ADGRL3: variants seen among roughly 807,000 people sequenced by gnomAD.
The protein encoded by ADGRL3 is adhesion G protein-coupled receptor L3.
In ADGRL3, 62 loss-of-function variants were observed where a neutral mutation model predicts 153.5. The observed-to-expected ratio is 0.40, with a 90% CI of 0.33 to 0.50. The LOEUF is 0.50. Ranked by LOEUF, ADGRL3 falls within the 20% of genes least tolerant of loss-of-function variation. The pLI, the probability that ADGRL3 is intolerant of heterozygous loss-of-function variation, is 0.47. For synonymous variants in ADGRL3, 710 were observed against 672.5 expected, an observed-to-expected ratio of 1.06 and a Z score of -0.86; for missense variants, 1,641 against 1,859.4, an observed-to-expected ratio of 0.88 and a Z score of 2.16.
In ADGRL3 at chr4:61,915,165, C is replaced by CT. The variant is rs200575935; in HGVS notation, c.2112+2413dup. Among the ~76,000 whole-genome samples, 1,238 of 151,058 alleles carry CT rather than the reference C, an allele frequency of 8.2e-3. 41 individuals are homozygous for CT. The highest frequency in any genetic ancestry group is 0.043 in the East Asian group (224 of 5,158). ...CATTTTATTTTATAAAATAATGAAT[C>CT]TTTTTGTATAAGAAACTGTTCAGGT... On this transcript the variant is annotated intron_variant, in intron 13 of 26. Coordinates refer to ENST00000683033, the MANE Select transcript of ADGRL3 (RefSeq NM_001387552.1).
intron 6 of ADGRL3, among the ~76,000 whole-genome samples, chr4:61,710,921 T>C (rs1487973512): frequency 6.6e-6 from 1 of 152,200 alleles, no homozygotes; most frequent in Admixed American, 6.5e-5. Flanking sequence ...TGCTATGACA[T>C]GACTCTACTA....
intron 1 of ADGRL3, among the ~76,000 whole-genome samples, chr4:61,260,342 CTGTT>C (rs1236573059): frequency 6.6e-6 from 1 of 152,148 alleles, no homozygotes; most frequent in African/African-American, 2.4e-5. Context: ...ACATCTCTGT[CTGTT>C]CTTTTCTCTG....
chr4:61,225,321 C>A (rs1441572189), intron 1 of ADGRL3, among the ~76,000 whole-genome samples: 1 of 152,144 alleles, frequency 6.6e-6, no homozygotes, highest in Non-Finnish European at 1.5e-5. Flanking sequence ...AACCTTTCTT[C>A]CTTGAATTGA....
chr4:61,315,149 G>A (rs1435581876), intron 1 of ADGRL3, among the ~76,000 whole-genome samples: 1 of 152,064 alleles, frequency 6.6e-6, no homozygotes, highest in African/African-American at 2.4e-5. Flanking sequence ...GTGTGGAGAG[G>A]GAAGAGTCTT....
chr4:62,026,859 A>G (rs1158799858), intron 21 of ADGRL3, among the ~76,000 whole-genome samples: 1 of 152,080 alleles, frequency 6.6e-6, no homozygotes, highest in African/African-American at 2.4e-5. Context: ...TGGATACATT[A>G]ATTTGCTTCA....
chr4:61,662,426 G>T (rs972401007), intron 5 of ADGRL3, among the ~76,000 whole-genome samples: 2 of 152,210 alleles, frequency 1.3e-5, no homozygotes, highest in African/African-American at 4.8e-5. Context: ...AAGCCTGAGC[G>T]CTGTTGCAAC....
Position 62,073,452 on chromosome 4 carries a change from A to G in ADGRL3, c.*2544A>G, listed in dbSNP as rs866274368. ...TACATAGAATACATTTGGCAATAAAAGAATCCTTTTTAGATGTGTTTATGG... is the reference window on the plus strand; with the variant it reads ...TACATAGAATACATTTGGCAATAAAGGAATCCTTTTTAGATGTGTTTATGG... On this transcript the variant is annotated 3_prime_UTR_variant, in exon 27 of 27. Transcript: ENST00000683033. 2 of 152,258 alleles carry G rather than the reference A, an allele frequency of 1.3e-5. No homozygotes were observed. The highest frequency in any genetic ancestry group is 3.4e-3 in the Middle Eastern group (1 of 294). The allele number at this position is 152,258 out of a possible 1,614,324, so 9.4% of individuals were successfully genotyped here.
At chr4:61,551,902 A>G (rs1297212880) in intron 4 of ADGRL3, among the ~76,000 whole-genome samples, 1 of 152,188 alleles carries the variant, frequency 6.6e-6, no homozygotes, top group Non-Finnish European at 1.5e-5. Context: ...TTATGTATAC[A>G]TATATTGTAT....
chr4:61,945,691 C>T (rs2098918385), intron 15 of ADGRL3, among the ~76,000 whole-genome samples: 1 of 148,666 alleles, frequency 6.7e-6, no homozygotes. Context: ...TGGGAGTGAC[C>T]CGATTTTCCA....
chr4:61,813,955 G>C (rs2097659346), intron 9 of ADGRL3, 66 bp downstream of exon 9: 4 of 1,579,824 alleles, frequency 2.5e-6, no homozygotes, highest in Non-Finnish European at 3.4e-6. Flanking sequence ...AATGATGGTT[G>C]TACATATGTA....
chr4:61,269,750 C>T (rs944939360), intron 1 of ADGRL3, among the ~76,000 whole-genome samples: 1 of 151,632 alleles, frequency 6.6e-6, no homozygotes, highest in Non-Finnish European at 1.5e-5. Flanking sequence ...TCTGCCTTCC[C>T]CGCAACAAAA....
chr4:61,646,354 A>T lies in ADGRL3; in HGVS notation c.474-30472A>T, dbSNP rs548193724. On this transcript the variant is annotated intron_variant, in intron 5 of 26. Transcript: ENST00000683033. ...GAACTGCGTTCCTTTGGAGGAGGAG[A>T]GGCACTCTGCTTTTTAGAGTTTCCA... is the stretch of plus-strand genomic sequence containing the variant. Among the ~76,000 whole-genome samples the T allele has an allele frequency of 6.7e-4, 102 of 151,854 alleles. 1 individual carries two copies. In the East Asian group the frequency reaches 0.019, roughly 28 times the overall value.
chr4:61,343,656 A>G (rs1192699857), intron 1 of ADGRL3, among the ~76,000 whole-genome samples: 1 of 152,224 alleles, frequency 6.6e-6, no homozygotes, highest in Non-Finnish European at 1.5e-5. Flanking sequence ...ATGAAAAAAA[A>G]GTTCCACAGT....
intron 4 of ADGRL3, among the ~76,000 whole-genome samples, chr4:61,578,735 A>G (rs2098907612): frequency 6.6e-6 from 1 of 152,026 alleles, no homozygotes; most frequent in Non-Finnish European, 1.5e-5. Context: ...TTAAAGACCA[A>G]CTCAAATCTT....
intron 4 of ADGRL3, among the ~76,000 whole-genome samples, chr4:61,549,010 C>A (rs1052122623): frequency 9.9e-5 from 15 of 151,968 alleles, no homozygotes; most frequent in African/African-American, 3.6e-4. Flanking sequence ...TCACTGATTT[C>A]TTTGAGCAGT....
At chr4:62,042,802 A>G (rs1393071105) in intron 24 of ADGRL3, among the ~76,000 whole-genome samples, 6 of 152,086 alleles carry the variant, frequency 3.9e-5, no homozygotes, top group Non-Finnish European at 4.4e-5. Context: ...AGTATACAAA[A>G]CATAAGTGTA....
intron 8 of ADGRL3, among the ~76,000 whole-genome samples, chr4:61,789,878 T>C (rs539618353): frequency 6.6e-6 from 1 of 152,250 alleles, no homozygotes; most frequent in South Asian, 2.1e-4. Flanking sequence ...AAAATACAAA[T>C]GCATGAATGA....
intron 15 of ADGRL3, 116 bp downstream of exon 15, chr4:61,936,161 A>G (rs1014443046): frequency 9.0e-6 from 10 of 1,115,706 alleles, no homozygotes; most frequent in Admixed American, 6.8e-5. Flanking sequence ...TCCTCTTCCT[A>G]CACTATTCTC....
chr4:61,442,298 G>A (rs1455404947), intron 2 of ADGRL3, among the ~76,000 whole-genome samples: 1 of 152,160 alleles, frequency 6.6e-6, no homozygotes, highest in East Asian at 1.9e-4. Context: ...ACTTTTGGAG[G>A]AATGACTATG....
Sources: gnomAD v4.1 joint callset for allele counts (sites outside exome capture counted in the v4.1 genomes callset) on GRCh38, gnomAD v4.1.1 for gene constraint, MANE v1.5 for transcripts, NCBI Gene and HGNC (gene_info 2026-07-23, HGNC 2026-07-21) for gene names.